The following CIST1 variants were observed in gnomAD, a reference collection of about 807,000 sequenced individuals.
CIST1 encodes uncharacterized LOC729966.
chr19:18,252,830 C>A, the CIST1 span, among the ~76,000 whole-genome samples: 3 of 152,210 alleles, frequency 2.0e-5, no homozygotes, highest in African/African-American at 7.2e-5. Flanking sequence ...TTGTCTCGAA[C>A]TTCTGACCTC....
the CIST1 span, among the ~76,000 whole-genome samples, chr19:18,253,487 G>T: frequency 2.0e-5 from 3 of 151,640 alleles, no homozygotes; most frequent in Non-Finnish European, 4.4e-5. Flanking sequence ...GGAGTTCAAG[G>T]CTGCAGTAAG....
At chr19:18,254,730 C>A in the CIST1 span, among the ~76,000 whole-genome samples, 1 of 152,138 alleles carries the variant, frequency 6.6e-6, no homozygotes, top group African/African-American at 2.4e-5. Flanking sequence ...AAAGGGAATG[C>A]GAGAAGCTCA....
At chr19:18,252,303 G>T in the CIST1 span, 1 of 399,136 alleles carries the variant, frequency 2.5e-6, no homozygotes, top group Non-Finnish European at 4.4e-6. Context: ...GGTAGGGGTT[G>T]CCCCTGAACT....
the CIST1 span, among the ~76,000 whole-genome samples, chr19:18,254,677 C>G: frequency 6.6e-6 from 1 of 152,136 alleles, no homozygotes; most frequent in Non-Finnish European, 1.5e-5. Flanking sequence ...GGTAGGACAC[C>G]GGTCAGAGAG....
chr19:18,250,236 G>T, the CIST1 span: 2 of 398,952 alleles, frequency 5.0e-6, no homozygotes, highest in Non-Finnish European at 8.8e-6. Context: ...AGCCCAGGTT[G>T]GCCCTGCTTG....
the CIST1 span, chr19:18,252,478 AG>A: frequency 5.2e-6 from 2 of 385,828 alleles, no homozygotes; most frequent in Non-Finnish European, 8.8e-6. Context: ...ATATCTGGAA[AG>A]AAAAACTGGG....
the CIST1 span, among the ~76,000 whole-genome samples, chr19:18,253,820 G>A: frequency 6.6e-6 from 1 of 152,234 alleles, no homozygotes; most frequent in Non-Finnish European, 1.5e-5. Flanking sequence ...GCTGAGGGCA[G>A]GTAAGCAGTT....
chr19:18,253,759 C>T, the CIST1 span, among the ~76,000 whole-genome samples: 3 of 152,204 alleles, frequency 2.0e-5, no homozygotes, highest in Non-Finnish European at 4.4e-5. Flanking sequence ...CGTGTTGGTC[C>T]AGCTACTTCC....
At chr19:18,251,681 C>CCCCCCCCCCCCCCCCCCCCCCCCCCCCCG in the CIST1 span, among the ~76,000 whole-genome samples, 1 of 73,826 alleles carries the variant, frequency 1.4e-5, no homozygotes, top group African/African-American at 4.7e-5. Flanking sequence ...GATACACGCC[C>CCCCCCCCCCCCCCCCCCCCCCCCCCCCCG]CCCCCGCCCC....
At chr19:18,253,856 C>T in the CIST1 span, among the ~76,000 whole-genome samples, 3 of 152,214 alleles carry the variant, frequency 2.0e-5, no homozygotes, top group Non-Finnish European at 4.4e-5. Context: ...ACAACGACTT[C>T]CCACCCAGTT....
chr19:18,253,615 C>T, the CIST1 span, among the ~76,000 whole-genome samples: 1 of 151,820 alleles, frequency 6.6e-6, no homozygotes, highest in Non-Finnish European at 1.5e-5. Flanking sequence ...TGACACTCAA[C>T]TATAAAGATC....
the CIST1 span, among the ~76,000 whole-genome samples, chr19:18,251,391 G>C: frequency 3.3e-5 from 5 of 151,390 alleles, no homozygotes; most frequent in Non-Finnish European, 1.5e-5. Context: ...CTCCCAAAGT[G>C]CTGGGATTAC....
At chr19:18,252,083 G>A in the CIST1 span, 1 of 399,018 alleles carries the variant, frequency 2.5e-6, no homozygotes, top group East Asian at 3.6e-5. Context: ...GGGGCTCCAA[G>A]GTCTGGTCAG....
the CIST1 span, among the ~76,000 whole-genome samples, chr19:18,251,536 G>A: frequency 6.6e-6 from 1 of 151,232 alleles, no homozygotes; most frequent in East Asian, 2.0e-4. Context: ...CTGGGTTCAA[G>A]CGATTCTCCT....
At chr19:18,250,835 G>A in the CIST1 span, among the ~76,000 whole-genome samples, 6 of 147,184 alleles carry the variant, frequency 4.1e-5, no homozygotes, top group Admixed American at 1.4e-4. Flanking sequence ...GTGCAGTGAC[G>A]TTATCTCAGC....
At chr19:18,250,304 T>C in the CIST1 span, 2 of 399,094 alleles carry the variant, frequency 5.0e-6, no homozygotes, top group Non-Finnish European at 8.8e-6. Flanking sequence ...AGCCCAGCCC[T>C]ACCTTACCAT....
the CIST1 span, among the ~76,000 whole-genome samples, chr19:18,254,205 C>T: frequency 2.6e-4 from 39 of 152,282 alleles, no homozygotes; most frequent in African/African-American, 7.5e-4. Context: ...CTGGGAAGAA[C>T]GCCCCTCAAG....
At chr19:18,252,363 G>A in the CIST1 span, 1 of 399,086 alleles carries the variant, frequency 2.5e-6, no homozygotes, top group African/African-American at 2.1e-5. Flanking sequence ...CATGGTGCTG[G>A]AGTAGGATTT....
At chr19:18,252,194 C>G in the CIST1 span, 1 of 398,936 alleles carries the variant, frequency 2.5e-6, no homozygotes, top group South Asian at 1.3e-4. Flanking sequence ...AGGGGGTGAG[C>G]TCTGCACTGG....
Sources: gnomAD v4.1 joint callset for allele counts (sites outside exome capture counted in the v4.1 genomes callset) on GRCh38, gnomAD v4.1.1 for gene constraint, MANE v1.5 for transcripts, NCBI Gene and HGNC (gene_info 2026-07-23, HGNC 2026-07-21) for gene names.